Variants in SUSD4 observed in about 807,000 individuals in gnomAD.
The protein encoded by SUSD4 is sushi domain containing 4.
SUSD4 carries 41 observed loss-of-function variants against 50.5 expected under a neutral mutation model. The ratio of observed to expected loss-of-function variants is 0.81; its 90% CI spans 0.63 to 1.05. The LOEUF (loss-of-function observed/expected upper bound fraction) is 1.05. Among genes scored for constraint, SUSD4 ranks in the 50% least tolerant of loss-of-function variants. SUSD4 has a pLI of 0.00. For synonymous variants in SUSD4, 257 were observed against 257.3 expected (o/e 1.00, Z 0.01); for missense variants, 580 against 634.7 (o/e 0.91, Z 0.93).
In SUSD4 at chr1:223,231,782, G is replaced by C. The variant is rs1275441901; in HGVS notation, c.725-2394C>G. ...ATTCCTGGTTCTTCCCACAAGGAAG[G>C]GGTCTCCAGTGGCCCCGGGACTGCC... On this transcript the variant is annotated intron_variant, in intron 5 of 8. Transcript: ENST00000366878. The surrounding 1 kb of genome is among the most constrained non-coding windows in gnomAD (Gnocchi z 4.2). Among the ~76,000 whole-genome samples, 1 of 152,116 alleles carries C rather than the reference G, an allele frequency of 6.6e-6. No individual in the cohort carries two copies. Among genetic ancestry groups the C allele is most frequent in the Non-Finnish European group, 1.5e-5 (1 of 68,020 alleles).
At chr1:223,277,373 T>A (rs1247097724) in intron 3 of SUSD4, among the ~76,000 whole-genome samples, 1 of 152,064 alleles carries the variant, frequency 6.6e-6, no homozygotes, top group Admixed American at 6.5e-5. Context: ...CAGAGCAAAC[T>A]GGAGCTGTGG....
chr1:223,265,747 G>C (rs1662450862), intron 4 of SUSD4, among the ~76,000 whole-genome samples: 1 of 152,236 alleles, frequency 6.6e-6, no homozygotes, highest in Non-Finnish European at 1.5e-5. Context: ...TGTTGTGTGT[G>C]GCATCCACTG....
intron 3 of SUSD4, among the ~76,000 whole-genome samples, chr1:223,285,390 T>A (rs1664071727): frequency 6.6e-6 from 1 of 152,174 alleles, no homozygotes; most frequent in African/African-American, 2.4e-5. Context: ...TCCCTGTCCA[T>A]CTTTGTCAGC....
At chr1:223,355,821 G>A (rs1034663884) in intron 2 of SUSD4, among the ~76,000 whole-genome samples, 1 of 152,170 alleles carries the variant, frequency 6.6e-6, no homozygotes, top group Non-Finnish European at 1.5e-5. Context: ...GGATTGGGAT[G>A]ATAATGAAAT....
intron 2 of SUSD4, among the ~76,000 whole-genome samples, chr1:223,335,279 T>G (rs1264442117): frequency 6.6e-6 from 1 of 152,214 alleles, no homozygotes; most frequent in Non-Finnish European, 1.5e-5. Context: ...CTACTTTTAG[T>G]TCTTTAAGGA....
chr1:223,285,369 G>T (rs914467741), intron 3 of SUSD4, among the ~76,000 whole-genome samples: 6 of 152,132 alleles, frequency 3.9e-5, no homozygotes, highest in Non-Finnish European at 8.8e-5. Flanking sequence ...TTCAACTGCT[G>T]CCTCTCTGAA....
At position 223,227,710 on chromosome 1, in the gene SUSD4, G is replaced by T; in HGVS notation, c.945C>A (p.Thr315=). 6.2e-7 allele frequency: 1 copy of T among 1,613,024 alleles called. No homozygotes were observed. Among genetic ancestry groups the T allele is most frequent in the Non-Finnish European group, 8.5e-7 (1 of 1,179,620 alleles). ...CCACAATCTTCCACGTGGTCAGGAG[G>T]GTCTCATGGGTGCTGGGCCACGTTT... The part of the protein sequence containing the change: ...SEQTWPSTHE[T]LLTTWKIVAF... The change falls in exon 7 of 9, where the codon ACC becomes ACA. Residue 315 remains threonine, a synonymous_variant. Coordinates refer to ENST00000366878, the MANE Select transcript of SUSD4 (RefSeq NM_017982.4). This position sits in a 1 kb window ranked among gnomAD's most constrained non-coding sequence, Gnocchi z 4.5.
intron 3 of SUSD4, among the ~76,000 whole-genome samples, chr1:223,288,685 A>G (rs2103137011): frequency 6.6e-6 from 1 of 152,346 alleles, no homozygotes; most frequent in East Asian, 1.9e-4. Flanking sequence ...TATTTTCATC[A>G]ATGATGACAA....
At chr1:223,316,607 A>G (rs1666203838) in intron 2 of SUSD4, among the ~76,000 whole-genome samples, 1 of 152,176 alleles carries the variant, frequency 6.6e-6, no homozygotes, top group Non-Finnish European at 1.5e-5. Flanking sequence ...CCCCCATTCA[A>G]AAGGACTTCT....
intron 5 of SUSD4, among the ~76,000 whole-genome samples, chr1:223,247,695 C>A (rs1174670350): frequency 6.6e-6 from 1 of 152,104 alleles, no homozygotes; most frequent in Non-Finnish European, 1.5e-5. Flanking sequence ...TGAGTTAAGC[C>A]ACTGGTTCCT....
At chr1:223,223,118 C>A in intron 8 of SUSD4, 131 bp downstream of exon 8, 1 of 1,313,454 alleles carries the variant, frequency 7.6e-7, no homozygotes, top group East Asian at 2.6e-5. Flanking sequence ...GCAATTTAAG[C>A]TGAGTGAGAG....
chr1:223,290,474 A>T (rs1413087131), intron 3 of SUSD4, among the ~76,000 whole-genome samples: 1 of 152,194 alleles, frequency 6.6e-6, no homozygotes, highest in African/African-American at 2.4e-5. Context: ...TTGTCTTAGA[A>T]AGGTAATATC....
chr1:223,329,859 T>C (rs1667081464), intron 2 of SUSD4, among the ~76,000 whole-genome samples: 1 of 151,962 alleles, frequency 6.6e-6, no homozygotes, highest in African/African-American at 2.4e-5. Flanking sequence ...GAAGAACAGA[T>C]GGACAGATGG....
chr1:223,221,998 A>C lies in SUSD4; in HGVS notation c.*194T>G, dbSNP rs1290533414. The C allele has an allele frequency of 8.6e-6, 5 of 581,106 alleles. No individual in the cohort carries two copies. The highest frequency in any genetic ancestry group is 2.9e-5 in the East Asian group (1 of 34,254). The allele number at this position is 581,106 out of a possible 1,614,324, so 36.0% of individuals were successfully genotyped here. ...CCCCATGGGTCTTGGTGAATCCTCA[A>C]ATCTCATTTAAAAGCACTGCCATTG... On this transcript the variant is annotated 3_prime_UTR_variant, in exon 9 of 9. Transcript: ENST00000366878.
At chr1:223,329,365 C>A (rs970245239) in intron 2 of SUSD4, among the ~76,000 whole-genome samples, 1 of 152,196 alleles carries the variant, frequency 6.6e-6, no homozygotes, top group Non-Finnish European at 1.5e-5. Flanking sequence ...TTTATCATCT[C>A]ATTCCAAAAA....
At chr1:223,237,687 G>C (rs1323973526) in intron 5 of SUSD4, among the ~76,000 whole-genome samples, 1 of 151,854 alleles carries the variant, frequency 6.6e-6, no homozygotes, top group African/African-American at 2.4e-5. Context: ...GGCATATCTG[G>C]GATAAATTCC....
rs931603867 is a variant in SUSD4 at position 223,332,372 on chromosome 1, C to A, written c.148+30906G>T. 6.6e-6 allele frequency among the ~76,000 whole-genome samples: 1 copy of A among 152,146 alleles called. No homozygotes were observed. Among genetic ancestry groups the A allele is most frequent in the African/African-American group, 2.4e-5 (1 of 41,418 alleles). On this transcript the variant is annotated intron_variant, in intron 2 of 8. Coordinates refer to ENST00000366878, the MANE Select transcript of SUSD4 (RefSeq NM_017982.4). This position sits in a 1 kb window ranked among gnomAD's most constrained non-coding sequence, Gnocchi z 4.0. ...ATATTCAGACACGGTACCTGAATTTCCAACAAGCATCAAAAGGATTAAATT... is the reference window on the plus strand; with the variant it reads ...ATATTCAGACACGGTACCTGAATTTACAACAAGCATCAAAAGGATTAAATT...
intron 2 of SUSD4, among the ~76,000 whole-genome samples, chr1:223,316,140 G>A (rs1446324881): frequency 6.6e-6 from 1 of 152,080 alleles, no homozygotes; most frequent in Non-Finnish European, 1.5e-5. Flanking sequence ...GGCTGGCAAG[G>A]AGAATAACAG....
intron 7 of SUSD4, among the ~76,000 whole-genome samples, chr1:223,225,528 G>T (rs995756369): frequency 5.9e-5 from 9 of 152,030 alleles, no homozygotes; most frequent in Admixed American, 5.2e-4. Context: ...GGAGGAGCTT[G>T]CTCCGAGCCA....
Sources: allele counts gnomAD v4.1 joint callset (sites outside exome capture counted in the v4.1 genomes callset), GRCh38; gene constraint gnomAD v4.1.1; non-coding constraint Gnocchi (gnomAD v3.1); transcripts MANE v1.5; gene names NCBI Gene and HGNC (gene_info 2026-07-23, HGNC 2026-07-21).